Variants in SPATA6 observed in about 807,000 individuals in gnomAD.
SPATA6 encodes spermatogenesis associated 6, also known as spermatogenesis-associated protein 6.
SPATA6 carries 56 observed loss-of-function variants against 65.3 expected under a neutral mutation model. The observed-to-expected ratio is 0.86, with a 90% CI of 0.69 to 1.07. The LOEUF is 1.07. Among genes scored for constraint, SPATA6 ranks in the 50% least tolerant of loss-of-function variants. The probability of loss-of-function intolerance (pLI) is 0.00; values close to 1 mark genes in which losing one functional copy is unlikely to be tolerated. For missense variants in SPATA6, 590 were observed against 594.8 expected (o/e 0.99, Z 0.08); for synonymous variants, 199 against 213.2 (o/e 0.93, Z 0.58).
intron 11 of SPATA6, among the ~76,000 whole-genome samples, chr1:48,342,298 G>C (rs775836513): frequency 2.6e-5 from 4 of 152,078 alleles, no homozygotes; most frequent in Non-Finnish European, 4.4e-5. Context: ...CAGCTATACA[G>C]CAATGAAAAT....
At chr1:48,415,975 C>G (rs1015368884) in intron 3 of SPATA6, among the ~76,000 whole-genome samples, 9 of 152,052 alleles carry the variant, frequency 5.9e-5, no homozygotes, top group African/African-American at 1.9e-4. Context: ...GGCTGAGGAG[C>G]GTGGATTGCT....
intron 3 of SPATA6, chr1:48,436,389 T>C (rs763968235): frequency 3.7e-6 from 6 of 1,611,734 alleles, no homozygotes; most frequent in African/African-American, 2.7e-5. Flanking sequence ...TTATGGCCTA[T>C]GGTTCAGCAA....
At chr1:48,331,010 T>C (rs950388032) in intron 11 of SPATA6, among the ~76,000 whole-genome samples, 2 of 151,792 alleles carry the variant, frequency 1.3e-5, no homozygotes, top group Non-Finnish European at 2.9e-5. Flanking sequence ...TAGAAGGCAG[T>C]CAACCAAACC....
rs1320635421 is a variant in SPATA6, at chr1:48,359,740, C to T, written c.940G>A (p.Asp314Asn). 3.1e-6 allele frequency: 5 copies of T among 1,612,844 alleles called. No homozygotes were observed. The highest frequency in any genetic ancestry group is 2.2e-5 in the South Asian group (2 of 90,998). ...VIRTPHGRDF[D>N]DSLEKCEEYL... ...TCTTCACATTTTTCTAAAGAGTCAT[C>T]GAAGTCTCTCCCATGGGGTGTCCTG... The change falls in exon 10 of 13, where the codon GAT (aspartate) becomes AAT (asparagine). Residue 314 changes from aspartate (D) to asparagine (N), a missense_variant. By Grantham distance (23) the Asp-to-Asn change is conservative. Coordinates refer to ENST00000371847, the MANE Select transcript of SPATA6 (RefSeq NM_019073.4).
chr1:48,312,155 C>T (rs960394273), intron 11 of SPATA6, among the ~76,000 whole-genome samples: 1 of 152,160 alleles, frequency 6.6e-6, no homozygotes, highest in African/African-American at 2.4e-5. Flanking sequence ...AATAGCGAAA[C>T]AAAAGGCAGC....
chr1:48,277,631 G>T, the SPATA6 span, among the ~76,000 whole-genome samples: 3 of 152,222 alleles, frequency 2.0e-5, no homozygotes, highest in Admixed American at 2.0e-4. Context: ...TGGGGGAGGG[G>T]CACCCGCCAT....
At chr1:48,414,131 T>A (rs1478302575) in intron 3 of SPATA6, among the ~76,000 whole-genome samples, 1 of 152,170 alleles carries the variant, frequency 6.6e-6, no homozygotes, top group Non-Finnish European at 1.5e-5. Flanking sequence ...AACTGATGAA[T>A]TGCTGGAAGC....
intron 11 of SPATA6, among the ~76,000 whole-genome samples, chr1:48,320,228 C>G (rs762370426): frequency 2.0e-5 from 3 of 152,112 alleles, no homozygotes; most frequent in Non-Finnish European, 4.4e-5. Context: ...CTTCCAAAGC[C>G]TAGATAAAGA....
intron 11 of SPATA6, among the ~76,000 whole-genome samples, chr1:48,347,696 A>C (rs1646409119): frequency 6.6e-6 from 1 of 151,774 alleles, no homozygotes; most frequent in Admixed American, 6.6e-5. Context: ...GGAGGTTTTA[A>C]GATTTATAAC....
intron 3 of SPATA6, among the ~76,000 whole-genome samples, chr1:48,438,046 G>C (rs1438385054): frequency 1.3e-5 from 2 of 152,040 alleles, no homozygotes; most frequent in Non-Finnish European, 2.9e-5. Context: ...AGGAACAAAA[G>C]GTGGCCACCC....
chr1:48,465,850 C>G (rs1407490850), intron 1 of SPATA6, among the ~76,000 whole-genome samples: 1 of 152,060 alleles, frequency 6.6e-6, no homozygotes, highest in Non-Finnish European at 1.5e-5. Flanking sequence ...ATGGCAATTG[C>G]ATTACTGTAA....
chr1:48,284,982 C>T, the SPATA6 span, among the ~76,000 whole-genome samples: 1 of 152,210 alleles, frequency 6.6e-6, no homozygotes, highest in Non-Finnish European at 1.5e-5. Flanking sequence ...CTGCTCTCTT[C>T]AGAGCCAGCA....
chr1:48,394,292 T>C (rs1396666061), intron 8 of SPATA6, among the ~76,000 whole-genome samples: 1 of 152,126 alleles, frequency 6.6e-6, no homozygotes, highest in South Asian at 2.1e-4. Context: ...CTGGCAAATA[T>C]GTAATCGTCA....
At chr1:48,292,393 G>A (rs2148623890), downstream of SPATA6, among the ~76,000 whole-genome samples, 1 of 152,338 alleles carries the variant, frequency 6.6e-6, no homozygotes, top group East Asian at 1.9e-4. Context: ...ATGTTGTGGG[G>A]GTTTTGTGGT....
At chr1:48,349,314 T>C (rs1353500941) in intron 11 of SPATA6, among the ~76,000 whole-genome samples, 1 of 152,012 alleles carries the variant, frequency 6.6e-6, no homozygotes, top group African/African-American at 2.4e-5. Context: ...ACAGAAAAAG[T>C]TGGCTGACCA....
chr1:48,283,438 T>C, the SPATA6 span, among the ~76,000 whole-genome samples: 1 of 151,506 alleles, frequency 6.6e-6, no homozygotes, highest in Non-Finnish European at 1.5e-5. Context: ...CCCAGCACTT[T>C]GGGAGTCCAA....
At chr1:48,346,965 T>A (rs1340821561) in intron 11 of SPATA6, among the ~76,000 whole-genome samples, 3 of 151,198 alleles carry the variant, frequency 2.0e-5, no homozygotes, top group South Asian at 2.1e-4. Flanking sequence ...ATAGAAAAAA[T>A]TTTAAAATTC....
chr1:48,291,058 C>T (rs1425001299), downstream of SPATA6, among the ~76,000 whole-genome samples: 1 of 152,166 alleles, frequency 6.6e-6, no homozygotes, highest in Non-Finnish European at 1.5e-5. Context: ...TTCTCAGCAC[C>T]ACGTCGCACT....
At chr1:48,394,357 T>C (rs924733104) in intron 8 of SPATA6, among the ~76,000 whole-genome samples, 2 of 152,138 alleles carry the variant, frequency 1.3e-5, no homozygotes, top group African/African-American at 4.8e-5. Flanking sequence ...AACATCTATA[T>C]TGAAGTTACT....
Sources: allele counts gnomAD v4.1 joint callset (sites outside exome capture counted in the v4.1 genomes callset), GRCh38; gene constraint gnomAD v4.1.1; transcripts MANE v1.5; gene names NCBI Gene and HGNC (gene_info 2026-07-23, HGNC 2026-07-21).